SLC39A4: variants seen among roughly 807,000 people sequenced by gnomAD.
The protein encoded by SLC39A4 is solute carrier family 39 member 4.
In SLC39A4, 49 loss-of-function variants were observed where a neutral mutation model predicts 56.6. That is an observed-to-expected ratio of 0.87 (90% CI 0.69 to 1.10). The LOEUF (loss-of-function observed/expected upper bound fraction) is 1.10. SLC39A4 is among the 50% of genes least tolerant of loss of function. The probability of loss-of-function intolerance (pLI) is 0.00; values close to 1 mark genes in which losing one functional copy is unlikely to be tolerated. For missense variants in SLC39A4, 993 were observed against 864.2 expected (o/e 1.15, Z -1.87); for synonymous variants, 540 against 420.4 (o/e 1.28, Z -3.48).
chr8:144,416,090 C>T lies in SLC39A4; in HGVS notation c.194G>A (p.Cys65Tyr), dbSNP rs1554873923. Residue 65 changes from cysteine (C) to tyrosine (Y), a missense_variant and splice_region_variant, in exon 2 of 12, where the codon TGC (cysteine) becomes TAC (tyrosine). Physicochemically the swap from Cys to Tyr is radical, Grantham distance 194. Transcript: ENST00000301305. The stretch of plus-strand genomic sequence containing the variant: ...GCCCAGGGCGTCCTCCACAGACAGG[C>T]ACTGTGGGCAGAGACAAGTGAGCAG... ...VHCANGPCGK[C>Y]LSVEDALGLG... 1 of 1,599,980 alleles carries T rather than the reference C, an allele frequency of 6.3e-7. No individual in the cohort carries two copies. The highest frequency in any genetic ancestry group is 8.5e-7 in the Non-Finnish European group (1 of 1,176,658).
At position 144,415,817 on chromosome 8, in the gene SLC39A4, G is replaced by C. The variant is rs782698477; in HGVS notation, c.467C>G (p.Pro156Arg). The change falls in exon 2 of 12, where the codon CCC becomes CGC. Residue 156 changes from proline to arginine, a missense_variant. Coordinates refer to ENST00000301305, the MANE Select transcript of SLC39A4 (RefSeq NM_130849.4). ...RMQARAAGQTPKMACVDIPQL... is the reference protein window; with the variant it reads ...RMQARAAGQTRKMACVDIPQL... ...GCCTGGACTCTCCCTCACCATCTTG[G>C]GGGTCTGGCCGGCAGCCCGGGCCTG... 1.3e-6 allele frequency: 2 copies of C among 1,594,642 alleles called. No individual in the cohort carries two copies. Among genetic ancestry groups the C allele is most frequent in the Non-Finnish European group, 8.5e-7 (1 of 1,175,766 alleles).
rs1822098193 is a variant in SLC39A4 at position 144,414,846 on chromosome 8, C to A, written c.855G>T (p.Gln285His). The A allele has an allele frequency of 1.9e-6, 3 of 1,613,330 alleles. No individual in the cohort carries two copies. The highest frequency in any genetic ancestry group is 2.5e-6 in the Non-Finnish European group (3 of 1,179,980). ...CCCAGGCCTCCGGGGTCACCCCAGC[C>A]TGTTCCGACAGTCCATATGCAGCCA... ...DVMAAYGLSE[Q>H]AGVTPEAWAQ... The change falls in exon 5 of 12, where the codon CAG becomes CAT. Residue 285 changes from glutamine (Q) to histidine (H), a missense_variant. Gln to His is a conservative substitution (Grantham distance 24). Transcript: ENST00000301305.
intron 10 of SLC39A4, 100 bp downstream of exon 10, chr8:144,413,137 G>A (rs1422514155): frequency 4.7e-6 from 7 of 1,485,412 alleles, no homozygotes; most frequent in Non-Finnish European, 6.3e-6. Context: ...AGCCAGGTGC[G>A]GCCCCGCCCA....
rs895901245 is a variant in SLC39A4, at chr8:144,416,692, G to C, written c.98C>G (p.Thr33Ser). The change falls in exon 1 of 12, where the codon ACC (threonine) becomes AGC (serine). Residue 33 changes from threonine (T) to serine (S), a missense_variant. Thr to Ser is a moderately conservative substitution (Grantham distance 58). Transcript: ENST00000301305. The stretch of plus-strand genomic sequence containing the variant: ...TTGATCCAGAGCGCCCTGGCCAGAG[G>C]TGAGCAGGCTCAGCAGACCAGCAGG... Reference protein sequence around the residue: ...SPPAGLLSLLTSGQGALDQEA... With the variant: ...SPPAGLLSLLSSGQGALDQEA... The C allele has an allele frequency of 4.3e-6, 7 of 1,612,480 alleles. No homozygotes were observed. Among genetic ancestry groups the C allele is most frequent in the Non-Finnish European group, 5.9e-6 (7 of 1,179,728 alleles).
rs184035603 is a variant in SLC39A4 at position 144,415,291 on chromosome 8, G to A, written c.603C>T (p.Ser201=). The A allele has an allele frequency of 6.2e-7, 1 of 1,613,218 alleles. No homozygotes were observed. The highest frequency in any genetic ancestry group is 1.3e-5 in the African/African-American group (1 of 75,022). The change falls in exon 3 of 12, where the codon AGC becomes AGT. Residue 201 remains serine (S), a synonymous_variant. Coordinates refer to ENST00000301305, the MANE Select transcript of SLC39A4 (RefSeq NM_130849.4). The part of the protein sequence containing the change: ...RSGSCFHALP[S]PQYFVDFVFQ... ...ACACAAAGTCCACGAAGTACTGAGG[G>A]CTCGGCAAGGCGTGGAAGCAAGACC...
In SLC39A4 at chr8:144,413,882, C is replaced by T. The variant is rs1564707906; in HGVS notation, c.1288-1G>A. 1 of 1,607,336 alleles carries T rather than the reference C, an allele frequency of 6.2e-7. No homozygotes were observed. Reference sequence around the variant, plus strand: ...GGCCGCAGGGCCCGTCCTCCAGGTCCTGTGAGGGTAGGTGCTCAGTGTCCA... The same window carrying T: ...GGCCGCAGGGCCCGTCCTCCAGGTCTTGTGAGGGTAGGTGCTCAGTGTCCA... On this transcript the variant is annotated splice_acceptor_variant, in intron 7 of 11. Coordinates refer to ENST00000301305, the MANE Select transcript of SLC39A4 (RefSeq NM_130849.4). LOFTEE classifies it high-confidence loss of function.
In SLC39A4 at chr8:144,414,233, G is replaced by A. The variant is rs782124183; in HGVS notation, c.1149+29C>T. ...GGGAGTCCATGGTGGGGAACGGAGG[G>A]CCAGGGTCGCGGGTTTGTGGGGGCA... is the stretch of plus-strand genomic sequence containing the variant. On this transcript the variant is annotated intron_variant, in intron 6 of 11. Transcript: ENST00000301305. The A allele has an allele frequency of 1.1e-5, 18 of 1,602,558 alleles. No individual in the cohort carries two copies. The Admixed American group carries it at 2.6e-4, about 23-fold the overall frequency.
In SLC39A4 at chr8:144,414,093, C is replaced by T. The variant is rs1419885877; in HGVS notation, c.1152G>A (p.Val384=). The change falls in exon 7 of 12, where the codon GTG becomes GTA. Residue 384 remains valine, a splice_region_variant and synonymous_variant. Coordinates refer to ENST00000301305, the MANE Select transcript of SLC39A4 (RefSeq NM_130849.4). ...CTTCGCTGTGTGTATGCAGCCCCAG[C>T]ACCTGGGGAGTAGGGGCGCTGGGCT... ...GDAVLHLTPK[V]LGLHTHSEEG... 1.9e-6 allele frequency: 3 copies of T among 1,556,810 alleles called. No individual in the cohort carries two copies. The highest frequency in any genetic ancestry group is 2.6e-6 in the Non-Finnish European group (3 of 1,150,630).
intron 1 of SLC39A4, chr8:144,416,292 C>T: frequency 2.0e-6 from 3 of 1,529,480 alleles, no homozygotes; most frequent in Non-Finnish European, 1.7e-6. Flanking sequence ...AGAGGGGTCC[C>T]CAACAGTGGT....
rs369164407 is a variant in SLC39A4, at chr8:144,415,019, A to G, written c.759T>C (p.Pro253=). The change falls in exon 4 of 12, where the codon CCT becomes CCC. Residue 253 remains proline, a synonymous_variant. Coordinates refer to ENST00000301305, the MANE Select transcript of SLC39A4 (RefSeq NM_130849.4). ...TGTTGCTGGAGCTGATGAGGGGCAC[A>G]GGGTCCCGGCTGCTGGCTCCCCTGT... ...HRHRGASSRD[P]VPLISSSNSS... 1.4e-5 allele frequency: 23 copies of G among 1,611,814 alleles called. No homozygotes were observed. The highest frequency in any genetic ancestry group is 8.3e-5 in the Admixed American group (5 of 60,002).
In SLC39A4 at chr8:144,414,968, G is replaced by GCTCACCGCGT; in HGVS notation, c.804+5_804+6insACGCGGTGAG. 6 of 1,612,810 alleles carry GCTCACCGCGT rather than the reference G, an allele frequency of 3.7e-6. No individual in the cohort carries two copies. The highest frequency in any genetic ancestry group is 5.1e-6 in the Non-Finnish European group (6 of 1,179,956). ...AGGCCCCATCTTACCCCAGGGCGCA[G>GCTCACCGCGT]CTCACCGTGTCCCACACACTGGAGC... On this transcript the variant is annotated splice_donor_region_variant and intron_variant, in intron 4 of 11. Coordinates refer to ENST00000301305, the MANE Select transcript of SLC39A4 (RefSeq NM_130849.4).
Position 144,412,740 on chromosome 8 carries a change from C to T in SLC39A4, c.1815+19G>A. 6.2e-7 allele frequency: 1 copy of T among 1,613,346 alleles called. No individual in the cohort carries two copies. Among genetic ancestry groups the T allele is most frequent in the South Asian group, 1.1e-5 (1 of 91,066 alleles). ...CTCAGCTCCCGGCCCAGAGCAGCCC[C>T]TCCCCTCGCCATCCTGACCATGTCG... On this transcript the variant is annotated intron_variant, in intron 11 of 11. Transcript: ENST00000301305.
In SLC39A4 at chr8:144,414,052, T is replaced by C. The variant is rs1554872826; in HGVS notation, c.1193A>G (p.Gln398Arg). Reference protein sequence around the residue: ...HTHSEEGLSPQPTWRLLAMLA... With the variant: ...HTHSEEGLSPRPTWRLLAMLA... ...CATAGCCAGGAGGCGCCAGGTGGGC[T>C]GTGGGCTGAGGCCCTCTTCGCTGTG... Residue 398 changes from glutamine (Q) to arginine (R), a missense_variant, in exon 7 of 12, where the codon CAG becomes CGG. Gln to Arg is a conservative substitution (Grantham distance 43, BLOSUM62 1). Coordinates refer to ENST00000301305, the MANE Select transcript of SLC39A4 (RefSeq NM_130849.4). The C allele has an allele frequency of 6.4e-7, 1 of 1,574,594 alleles. No homozygotes were observed. Among genetic ancestry groups the C allele is most frequent in the Admixed American group, 1.9e-5 (1 of 53,918 alleles).
intron 1 of SLC39A4, 29 bp downstream of exon 1, chr8:144,416,569 C>G (rs1204721358): frequency 6.4e-7 from 1 of 1,553,256 alleles, no homozygotes; most frequent in Non-Finnish European, 8.7e-7. Context: ...GAGGCCAGGG[C>G]TGGGGGACCC....
At position 144,413,984 on chromosome 8, in the gene SLC39A4, T is replaced by A. The variant is rs373681902; in HGVS notation, c.1261A>T (p.Asn421Tyr). Residue 421 changes from asparagine (N) to tyrosine (Y), a missense_variant, in exon 7 of 12, where the codon AAT (asparagine) becomes TAT (tyrosine). Physicochemically the swap from Asn to Tyr is moderately radical, Grantham distance 143. Coordinates refer to ENST00000301305, the MANE Select transcript of SLC39A4 (RefSeq NM_130849.4). ...TCCGGGTCCCTGGGCAGCAGGAGAT[T>A]GAAGAGGTTCTCAAACAGGAAGAAG... ...YAFFLFENLF[N>Y]LLLPRDPEDL... The A allele has an allele frequency of 1.5e-4, 242 of 1,609,418 alleles. 4 individuals carry two copies. The South Asian group carries it at 2.5e-3, about 17-fold the overall frequency.
Position 144,412,857 on chromosome 8 carries a change from G to A in SLC39A4, c.1717C>T (p.Leu573Phe). ...ACTCCAACCGCGAGTGCCACGTAGA[G>A]ACCAGCGAAGGCCGTGAGCGCGGAG... is the stretch of plus-strand genomic sequence containing the variant. ...LASALTAFAG[L>F]YVALAVGVSE... Residue 573 changes from leucine to phenylalanine, a missense_variant, in exon 11 of 12, where the codon CTC becomes TTC. Leu to Phe is a conservative substitution (Grantham distance 22, BLOSUM62 0). Transcript: ENST00000301305. 1 of 1,612,398 alleles carries A rather than the reference G, an allele frequency of 6.2e-7. No individual in the cohort carries two copies. Among genetic ancestry groups the A allele is most frequent in the South Asian group, 1.1e-5 (1 of 91,064 alleles).
rs782563029 is a variant in SLC39A4, at chr8:144,415,459, CCTT to C, written c.475-43_475-41del. Reference sequence around the variant, plus strand: ...GCCTCCGCCTCAGCCTTTGGTGTGACCTTCTGCCATCCACCCCGCTGCCCCTGG... The same window carrying C: ...GCCTCCGCCTCAGCCTTTGGTGTGACCTGCCATCCACCCCGCTGCCCCTGG... On this transcript the variant is annotated intron_variant, in intron 2 of 11. Coordinates refer to ENST00000301305, the MANE Select transcript of SLC39A4 (RefSeq NM_130849.4). The C allele has an allele frequency of 1.7e-5, 26 of 1,559,134 alleles. No individual in the cohort carries two copies. In the East Asian group the frequency reaches 5.4e-4, roughly 33 times the overall value.
At position 144,416,643 on chromosome 8, in the gene SLC39A4, A is replaced by G; in HGVS notation, c.147T>C (p.Asn49=). The G allele has an allele frequency of 6.2e-7, 1 of 1,608,514 alleles. No homozygotes were observed. The highest frequency in any genetic ancestry group is 8.5e-7 in the Non-Finnish European group (1 of 1,178,176). ...CGCAGTGCACACGGTCCGCCAGCGT[A>G]TTTAACAGGCCGCCCAGAGCCTCTT... ...LDQEALGGLL[N]TLADRVHCAN... The change falls in exon 1 of 12, where the codon AAT becomes AAC. Residue 49 remains asparagine (N), a synonymous_variant. Coordinates refer to ENST00000301305, the MANE Select transcript of SLC39A4 (RefSeq NM_130849.4).
chr8:144,414,015 G>C lies in SLC39A4; in HGVS notation c.1230C>G (p.Leu410=). The C allele has an allele frequency of 1.2e-6, 2 of 1,602,582 alleles. No individual in the cohort carries two copies. The highest frequency in any genetic ancestry group is 1.1e-5 in the South Asian group (1 of 89,414). The part of the protein sequence containing the change: ...TWRLLAMLAG[L]YAFFLFENLF... ...GGTTCTCAAACAGGAAGAAGGCGTAGAGCCCGGCCAGCATAGCCAGGAGGC... is the reference window on the plus strand; with the variant it reads ...GGTTCTCAAACAGGAAGAAGGCGTACAGCCCGGCCAGCATAGCCAGGAGGC... Residue 410 remains leucine (L), a synonymous_variant, in exon 7 of 12, where the codon CTC becomes CTG. Transcript: ENST00000301305.
Sources: allele counts gnomAD v4.1 joint callset, GRCh38; gene constraint gnomAD v4.1.1; transcripts MANE v1.5; gene names NCBI Gene and HGNC (gene_info 2026-07-23, HGNC 2026-07-21).